The following COL4A6 variants were observed in gnomAD, a reference collection of about 807,000 sequenced individuals.
COL4A6 encodes the protein collagen alpha-6(IV) chain.
Under a neutral mutation model 126.7 loss-of-function variants are expected in COL4A6, and 59 were observed. The observed-to-expected ratio is 0.47, with a 90% confidence interval of 0.38 to 0.58. The LOEUF (loss-of-function observed/expected upper bound fraction) is 0.58. COL4A6 is among the 20% of genes least tolerant of loss of function. The pLI, the probability that COL4A6 is intolerant of heterozygous loss-of-function variation, is 0.00. For synonymous variants in COL4A6, 547 were observed against 496.6 expected, an observed-to-expected ratio of 1.10 and a Z score of -1.35; for missense variants, 1,285 against 1,337.3, an observed-to-expected ratio of 0.96 and a Z score of 0.61.
chrX:108,212,407 G>A (rs1474898769), intron 6 of COL4A6, among the ~76,000 whole-genome samples: 9 of 111,121 alleles, frequency 8.1e-5, no homozygotes, highest in Non-Finnish European at 1.7e-4. Flanking sequence ...ATGGTTCAAA[G>A]TACACAATTC....
intron 13 of COL4A6, among the ~76,000 whole-genome samples, chrX:108,198,133 T>G (rs1451542080): frequency 9.0e-6 from 1 of 111,594 alleles, no homozygotes; most frequent in Non-Finnish European, 1.9e-5. Flanking sequence ...TATGAAAGTT[T>G]TGTAAGCATG....
chrX:108,343,161 A>AGTGTG (rs1465580768), intron 2 of COL4A6, among the ~76,000 whole-genome samples: 24 of 55,601 alleles, frequency 4.3e-4, no homozygotes, highest in Admixed American at 1.6e-3. Flanking sequence ...ATATATATAT[A>AGTGTG]TATAGTGTGT....
chrX:108,201,261 C>T (rs1388167247), intron 13 of COL4A6, among the ~76,000 whole-genome samples: 1 of 111,802 alleles, frequency 8.9e-6, no homozygotes, highest in Non-Finnish European at 1.9e-5. Context: ...CAGGCCTAGT[C>T]ATCTTTGATT....
intron 2 of COL4A6, among the ~76,000 whole-genome samples, chrX:108,375,077 T>C (rs1166787092): frequency 8.9e-6 from 1 of 112,006 alleles, no homozygotes; most frequent in Non-Finnish European, 1.9e-5. Context: ...TCATTTTAAG[T>C]AATCAAGGGG....
intron 3 of COL4A6, among the ~76,000 whole-genome samples, chrX:108,224,078 C>T (rs2036095070): frequency 8.9e-6 from 1 of 112,147 alleles, no homozygotes; most frequent in Non-Finnish European, 1.9e-5. Context: ...CCAGCATAGG[C>T]ACAGGGACTG....
intron 3 of COL4A6, among the ~76,000 whole-genome samples, chrX:108,226,179 A>G (rs1166097171): frequency 8.9e-6 from 1 of 112,712 alleles, no homozygotes; most frequent in Non-Finnish European, 1.9e-5. Flanking sequence ...ACGTTGGATT[A>G]TTGTCAGCAT....
intron 3 of COL4A6, among the ~76,000 whole-genome samples, chrX:108,262,520 G>GA (rs1253692970): frequency 9.0e-6 from 1 of 111,425 alleles, no homozygotes; most frequent in African/African-American, 3.3e-5. Context: ...AAGCATAAGT[G>GA]AAAAAACTGG....
intron 3 of COL4A6, among the ~76,000 whole-genome samples, chrX:108,269,895 C>T (rs1290747830): frequency 1.8e-5 from 2 of 111,174 alleles, no homozygotes; most frequent in Non-Finnish European, 3.8e-5. Context: ...TAGGTGACAA[C>T]TATGAAGGAG....
intron 3 of COL4A6, among the ~76,000 whole-genome samples, chrX:108,227,834 C>T (rs921935441): frequency 8.9e-6 from 1 of 111,932 alleles, no homozygotes; most frequent in African/African-American, 3.2e-5. Context: ...ATGGACTGAA[C>T]TAGTTTTCCA....
chrX:108,423,779 T>C (rs1387223322), intron 2 of COL4A6, among the ~76,000 whole-genome samples: 1 of 111,877 alleles, frequency 8.9e-6, no homozygotes, highest in Non-Finnish European at 1.9e-5. Context: ...ATATCTAACA[T>C]AGATATACTT....
intron 2 of COL4A6, among the ~76,000 whole-genome samples, chrX:108,400,028 A>G (rs1359936835): frequency 9.2e-6 from 1 of 108,868 alleles, no homozygotes; most frequent in Non-Finnish European, 1.9e-5. Context: ...TTCAGACTAC[A>G]TGGCTGCCAA....
chrX:108,422,727 C>T (rs2064001852), intron 2 of COL4A6, among the ~76,000 whole-genome samples: 1 of 112,016 alleles, frequency 8.9e-6, no homozygotes, highest in African/African-American at 3.2e-5. Flanking sequence ...CTTTGGCTAT[C>T]CTAGCCGTTA....
rs1401463048 is a variant in COL4A6, at chrX:108,211,663, G to A, written c.510+9C>T. On this transcript the variant is annotated intron_variant, in intron 7 of 44. Transcript: ENST00000334504. ...AGCCTACTCAGCTATCTGACTTACA[G>A]GTTCTTACCTTCATTCCTTTGAAAC... 8.3e-7 allele frequency: 1 copy of A among 1,208,933 alleles called. No homozygotes were observed. The highest frequency in any genetic ancestry group is 2.2e-5 in the Admixed American group (1 of 46,082).
At chrX:108,357,324 C>T (rs1262038693) in intron 2 of COL4A6, among the ~76,000 whole-genome samples, 2 of 111,432 alleles carry the variant, frequency 1.8e-5, no homozygotes, top group Non-Finnish European at 3.8e-5. Context: ...TAAGCCTTCT[C>T]TGCTTACTAT....
chrX:108,382,982 A>G (rs760148677), intron 2 of COL4A6, among the ~76,000 whole-genome samples: 117 of 104,757 alleles, frequency 1.1e-3, no homozygotes, highest in Non-Finnish European at 2.0e-3. Flanking sequence ...AATAATAATA[A>G]TAATAATAAT....
chrX:108,269,119 G>C, intron 3 of COL4A6: 1 of 339,135 alleles, frequency 2.9e-6, no homozygotes. Flanking sequence ...TGGTAGAGCC[G>C]GCCAGCCATA....
At chrX:108,400,652 G>T in intron 2 of COL4A6, among the ~76,000 whole-genome samples, 1 of 111,048 alleles carries the variant, frequency 9.0e-6, no homozygotes, top group Admixed American at 9.6e-5. Context: ...CTTATCTTCT[G>T]TTTTTTGAAA....
chrX:108,413,316 G>A (rs2041366103), intron 2 of COL4A6, among the ~76,000 whole-genome samples: 2 of 112,032 alleles, frequency 1.8e-5, no homozygotes, highest in South Asian at 7.6e-4. Context: ...CCAATGGATT[G>A]TCTGGCTTAC....
chrX:108,279,304 C>T (rs1333348240), intron 3 of COL4A6, among the ~76,000 whole-genome samples: 15 of 110,732 alleles, frequency 1.4e-4, no homozygotes, highest in African/African-American at 4.6e-4. Context: ...GAAGATCTAC[C>T]AAGCCAATGG....
Sources: gnomAD v4.1 joint callset for allele counts (sites outside exome capture counted in the v4.1 genomes callset) on GRCh38, gnomAD v4.1.1 for gene constraint, MANE v1.5 for transcripts, NCBI Gene and HGNC (gene_info 2026-07-23, HGNC 2026-07-21) for gene names.